The following DAB1 variants were observed in gnomAD, a reference collection of about 807,000 sequenced individuals.
The protein encoded by DAB1 is DAB adaptor protein 1, also known as disabled homolog 1.
DAB1 carries 15 observed loss-of-function variants against 64.6 expected under a neutral mutation model. That is an observed-to-expected ratio of 0.23 (90% confidence interval 0.16 to 0.36). The LOEUF is 0.36. Among genes scored for constraint, DAB1 ranks in the 10% least tolerant of loss-of-function variants. DAB1 has a pLI of 1.00. For synonymous variants in DAB1, 235 were observed against 251.9 expected (o/e 0.93, Z 0.64); for missense variants, 596 against 706.7 (o/e 0.84, Z 1.78).
chr1:57,468,065 C>A (rs1282426018), intron 7 of DAB1, among the ~76,000 whole-genome samples: 1 of 152,200 alleles, frequency 6.6e-6, no homozygotes, highest in Non-Finnish European at 1.5e-5. Context: ...TTGGAATATT[C>A]AGCACACTGA....
intron 2 of DAB1, among the ~76,000 whole-genome samples, chr1:57,241,786 C>A (rs550302269): frequency 2.0e-5 from 3 of 152,258 alleles, no homozygotes; most frequent in South Asian, 2.1e-4. Context: ...GGAAGGGAAG[C>A]TTTGGGGTTA....
chr1:57,958,452 A>G (rs1645442198), intron 5 of DAB1, among the ~76,000 whole-genome samples: 1 of 152,194 alleles, frequency 6.6e-6, no homozygotes, highest in Admixed American at 6.5e-5. Context: ...CCTGCCTCCA[A>G]GGAGCTTTCT....
chr1:58,465,579 T>A (rs998170236), intron 3 of DAB1, among the ~76,000 whole-genome samples: 1 of 152,002 alleles, frequency 6.6e-6, no homozygotes, highest in African/African-American at 2.4e-5. Flanking sequence ...TGGTGAAGGA[T>A]TTAGGACACA....
chr1:57,556,895 T>G (rs2101493312), intron 7 of DAB1, among the ~76,000 whole-genome samples: 1 of 152,352 alleles, frequency 6.6e-6, no homozygotes, highest in South Asian at 2.1e-4. Context: ...CTTCTAGAAT[T>G]TTTATGGTCT....
chr1:58,029,110 A>G (rs1646936231), intron 5 of DAB1, among the ~76,000 whole-genome samples: 1 of 152,162 alleles, frequency 6.6e-6, no homozygotes, highest in Non-Finnish European at 1.5e-5. Flanking sequence ...ATCTAACACT[A>G]AGACCAACTA....
At position 57,795,690 on chromosome 1, in the gene DAB1, G is replaced by GATATATATATAT. The variant is rs3081038; in HGVS notation, n.551+88297_551+88308dup. On this transcript the variant is annotated intron_variant and non_coding_transcript_variant, in intron 6 of 20. Coordinates refer to the DAB1 transcript ENST00000485760. ...TAACCATCCATGAATTATGCTTGGA[G>GATATATATATAT]ATATATATATATATATATATATATA... Among the ~76,000 whole-genome samples the GATATATATATAT allele has an allele frequency of 8.7e-3, 599 of 69,024 alleles. 26 individuals carry two copies. The highest frequency in any genetic ancestry group is 0.011 in the African/African-American group (206 of 17,922). 45.3% of individuals were successfully genotyped at this position (69,024 alleles called of 152,430 possible). A position where few individuals can be genotyped will look rare whatever the true frequency, so the allele number is the denominator to read the frequency against.
At chr1:57,332,675 A>G (rs1676769810) in intron 1 of DAB1, among the ~76,000 whole-genome samples, 1 of 152,164 alleles carries the variant, frequency 6.6e-6, no homozygotes, top group African/African-American at 2.4e-5. Context: ...TCCAGATTTG[A>G]TATTTAAACA....
At chr1:57,542,309 G>A (rs950608485) in intron 7 of DAB1, among the ~76,000 whole-genome samples, 9 of 151,714 alleles carry the variant, frequency 5.9e-5, no homozygotes, top group African/African-American at 2.2e-4. Context: ...GGTGTGGATG[G>A]GTTTGGTTTA....
chr1:58,407,386 A>T (rs1644626213), intron 3 of DAB1, among the ~76,000 whole-genome samples: 1 of 152,230 alleles, frequency 6.6e-6, no homozygotes, highest in Non-Finnish European at 1.5e-5. Context: ...CATCTACTAC[A>T]GTCCTAGCAT....
chr1:57,684,071 A>G (rs1646666808), intron 6 of DAB1, among the ~76,000 whole-genome samples: 2 of 152,206 alleles, frequency 1.3e-5, no homozygotes, highest in South Asian at 4.1e-4. Context: ...AAAAATAAAG[A>G]AAAAGGAATT....
chr1:57,782,796 G>A (rs1294700470), intron 6 of DAB1, among the ~76,000 whole-genome samples: 1 of 152,036 alleles, frequency 6.6e-6, no homozygotes, highest in South Asian at 2.1e-4. Context: ...TCTGAATGAC[G>A]GTGATAATTG....
intron 6 of DAB1, among the ~76,000 whole-genome samples, chr1:57,660,479 CT>C (rs1477995413): frequency 6.6e-6 from 1 of 152,140 alleles, no homozygotes; most frequent in Non-Finnish European, 1.5e-5. Context: ...TGTTGTAAAC[CT>C]TTTGTATACC....
intron 1 of DAB1, among the ~76,000 whole-genome samples, chr1:57,306,512 GC>G (rs1674189823): frequency 7.1e-6 from 1 of 140,648 alleles, no homozygotes; most frequent in South Asian, 2.2e-4. Flanking sequence ...CTTAGAACAG[GC>G]TTTTTTTTTT....
intron 1 of DAB1, among the ~76,000 whole-genome samples, chr1:57,831,944 A>G (rs555867719): frequency 6.6e-6 from 1 of 152,332 alleles, no homozygotes; most frequent in East Asian, 1.9e-4. Context: ...GAACACACAG[A>G]CATGGCTCTT....
chr1:57,438,438 T>C (rs1373328443), intron 7 of DAB1, among the ~76,000 whole-genome samples: 1 of 152,118 alleles, frequency 6.6e-6, no homozygotes, highest in East Asian at 1.9e-4. Flanking sequence ...CCTCAGGAAC[T>C]TCATCTTCCT....
chr1:57,841,419 A>T (rs1395219071), intron 1 of DAB1, among the ~76,000 whole-genome samples: 1 of 152,212 alleles, frequency 6.6e-6, no homozygotes, highest in Admixed American at 6.5e-5. Flanking sequence ...TGCCCCAGTG[A>T]GGACTCTGTG....
Position 57,800,620 on chromosome 1 carries a change from G to C in DAB1, n.551+83379C>G, listed in dbSNP as rs958371299. On this transcript the variant is annotated intron_variant and non_coding_transcript_variant, in intron 6 of 20. Transcript: ENST00000485760. ...AATGAATTACTCAGTGAGTTAATTT[G>C]TCACCAGAAGGTAATTGGGATTTAA... Among the ~76,000 whole-genome samples, 4 of 152,314 alleles carry C rather than the reference G, an allele frequency of 2.6e-5. No homozygotes were observed. The East Asian group carries it at 7.7e-4, about 29-fold the overall frequency.
chr1:57,643,999 A>G (rs984832573), intron 7 of DAB1, among the ~76,000 whole-genome samples: 2 of 152,174 alleles, frequency 1.3e-5, no homozygotes, highest in African/African-American at 4.8e-5. Flanking sequence ...CCAGACACAA[A>G]CGAGGGTCTT....
At chr1:57,191,794 A>T (rs1486203421) in intron 2 of DAB1, among the ~76,000 whole-genome samples, 3 of 152,056 alleles carry the variant, frequency 2.0e-5, no homozygotes, top group African/African-American at 7.2e-5. Flanking sequence ...TTTGATCCTC[A>T]TGGGGTAGTG....
Sources: gnomAD v4.1 joint callset for allele counts (sites outside exome capture counted in the v4.1 genomes callset) on GRCh38, gnomAD v4.1.1 for gene constraint, MANE v1.5 for transcripts, NCBI Gene and HGNC (gene_info 2026-07-23, HGNC 2026-07-21) for gene names.